The following MYRF variants were observed in gnomAD, a reference collection of about 807,000 sequenced individuals.
MYRF encodes myelin regulatory factor, also known as myelin gene regulatory factor.
Under a neutral mutation model 126.3 loss-of-function variants are expected in MYRF, and 16 were observed. That is an observed-to-expected ratio of 0.13 (90% CI 0.09 to 0.19). The LOEUF (loss-of-function observed/expected upper bound fraction) is 0.19. Among genes scored for constraint, MYRF ranks in the 10% least tolerant of loss-of-function variants. The pLI is 1.00. For missense variants in MYRF, 1,104 were observed against 1,547.0 expected, an observed-to-expected ratio of 0.71 and a Z score of 4.80; for synonymous variants, 608 against 635.3, an observed-to-expected ratio of 0.96 and a Z score of 0.65.
chr11:61,759,084 G>A (rs198473), intron 1 of MYRF, among the ~76,000 whole-genome samples: 105,794 of 152,146 alleles, frequency 0.7, 37,945 homozygotes, highest in Non-Finnish European at 0.76. Flanking sequence ...GTGGGGCCAC[G>A]CCGGTGTGTA....
rs1326233248 is a variant in MYRF at position 61,778,902 on chromosome 11, G to A, written c.2014-361G>A. On this transcript the variant is annotated intron_variant, in intron 14 of 26. Transcript: ENST00000278836. This position sits in a 1 kb window ranked among gnomAD's most constrained non-coding sequence, Gnocchi z 4.6. Reference sequence around the variant, plus strand: ...AGGCATGTAATAGGTCTCCACCCCAGCTGAATAGTGAAGTGCTGACATCTG... The same window carrying A: ...AGGCATGTAATAGGTCTCCACCCCAACTGAATAGTGAAGTGCTGACATCTG... The A allele has an allele frequency of 1.8e-6, 1 of 566,018 alleles. No individual in the cohort carries two copies. The highest frequency in any genetic ancestry group is 3.4e-6 in the Non-Finnish European group (1 of 298,032). The allele number at this position is 566,018 out of a possible 1,614,324, so 35.1% of individuals were successfully genotyped here. A position where few individuals can be genotyped will look rare whatever the true frequency, so the allele number is the denominator to read the frequency against.
chr11:61,760,591 G>A (rs2065871093), intron 1 of MYRF, among the ~76,000 whole-genome samples: 1 of 152,234 alleles, frequency 6.6e-6, no homozygotes, highest in African/African-American at 2.4e-5. Flanking sequence ...GCAGCAAGGC[G>A]GAGGGGCCTG....
At chr11:61,780,013 C>A in intron 17 of MYRF, 83 bp downstream of exon 17, 1 of 1,352,498 alleles carries the variant, frequency 7.4e-7, no homozygotes, top group Non-Finnish European at 1.0e-6. Flanking sequence ...GGGCTCAGGC[C>A]TGGGGGAAGA....
intron 1 of MYRF, among the ~76,000 whole-genome samples, chr11:61,759,438 G>A (rs2065846798): frequency 6.6e-6 from 1 of 152,208 alleles, no homozygotes; most frequent in Admixed American, 6.5e-5. Flanking sequence ...GGGAGGCCGA[G>A]GCAGGTGGAT....
chr11:61,777,383 G>T lies in MYRF; in HGVS notation c.1710G>T (p.Ala570=), dbSNP rs374109253. Residue 570 remains alanine, a synonymous_variant, in exon 12 of 27, where the codon GCG becomes GCT. Transcript: ENST00000278836. This position sits in a 1 kb window ranked among gnomAD's most constrained non-coding sequence, Gnocchi z 8.8. The part of the protein sequence containing the change: ...VGINTDRPDE[A]LVVHGNVKVM... ...TCAACACAGACCGGCCGGATGAGGC[G>T]CTGGTTGTGCACGGGAATGTCAAGG... 1.2e-6 allele frequency: 2 copies of T among 1,613,824 alleles called. No individual in the cohort carries two copies. Among genetic ancestry groups the T allele is most frequent in the Non-Finnish European group, 1.7e-6 (2 of 1,180,040 alleles).
At chr11:61,774,557 G>A (rs2066321863) in intron 8 of MYRF, among the ~76,000 whole-genome samples, 1 of 149,314 alleles carries the variant, frequency 6.7e-6, no homozygotes, top group African/African-American at 2.5e-5. Context: ...GCAAGCATCT[G>A]TGTGCGTGTG....
intron 20 of MYRF, 31 bp from the exon 21 acceptor site, chr11:61,781,107 C>T: frequency 6.2e-7 from 1 of 1,612,052 alleles, no homozygotes; most frequent in Middle Eastern, 1.7e-4. Context: ...TTTGGGGCTT[C>T]TCTGGCTCAT....
intron 1 of MYRF, among the ~76,000 whole-genome samples, chr11:61,763,553 G>A (rs1361201566): frequency 6.6e-6 from 1 of 152,246 alleles, no homozygotes; most frequent in Non-Finnish European, 1.5e-5. Context: ...CCTGCAGGAT[G>A]CCTTGCGCAT....
chr11:61,759,090 G>A (rs779318634), intron 1 of MYRF, among the ~76,000 whole-genome samples: 1 of 152,238 alleles, frequency 6.6e-6, no homozygotes, highest in Non-Finnish European at 1.5e-5. Context: ...CCACGCCGGT[G>A]TGTAGGCACA....
At chr11:61,784,468 A>G in intron 25 of MYRF, 83 bp downstream of exon 25, 3 of 1,121,704 alleles carry the variant, frequency 2.7e-6, no homozygotes, top group Non-Finnish European at 3.9e-6. Context: ...ATGGGCAAGG[A>G]GCAGAAGCTG....
chr11:61,779,265 G>A lies in MYRF; in HGVS notation c.2016G>A (p.Glu672=). The A allele has an allele frequency of 6.5e-7, 1 of 1,541,852 alleles. No individual in the cohort carries two copies. Among genetic ancestry groups the A allele is most frequent in the South Asian group, 1.2e-5 (1 of 84,050 alleles). The change falls in exon 15 of 27, where the codon GAG becomes GAA. Residue 672 remains glutamate, a splice_region_variant and synonymous_variant. Transcript: ENST00000278836. ...TIENFLVVNK[E]RIFMENVGAV... ...CCATGGCCCATGGCCCATGGCAGGA[G>A]CGCATCTTCATGGAGAACGTAGGGG...
At chr11:61,784,452 C>T in intron 25 of MYRF, 67 bp downstream of exon 25, 1 of 1,344,990 alleles carries the variant, frequency 7.4e-7, no homozygotes, top group Admixed American at 1.9e-5. Flanking sequence ...ACAACTGGGC[C>T]CCAAAATGGG....
At chr11:61,766,904 G>A (rs1160263802) in intron 3 of MYRF, 1 of 409,902 alleles carries the variant, frequency 2.4e-6, no homozygotes, top group South Asian at 1.8e-5. Context: ...TCTCTGGGTG[G>A]AAGAGCATTA....
chr11:61,776,525 G>A lies in MYRF; in HGVS notation c.1499+93G>A, dbSNP rs973252816. 2 of 1,059,166 alleles carry A rather than the reference G, an allele frequency of 1.9e-6. No individual in the cohort carries two copies. The highest frequency in any genetic ancestry group is 3.2e-5 in the African/African-American group (2 of 63,012). 65.6% of individuals were successfully genotyped at this position (1,059,166 alleles called of 1,614,324 possible). A position where few individuals can be genotyped will look rare whatever the true frequency, so the allele number is the denominator to read the frequency against. ...GCACACCAGGCACAGAGTCCTACAG[G>A]CTGAGCCATTTCACAGATGAGAGAC... On this transcript the variant is annotated intron_variant, in intron 10 of 26. Transcript: ENST00000278836. The surrounding 1 kb of genome is among the most constrained non-coding windows in gnomAD (Gnocchi z 4.3).
Position 61,771,765 on chromosome 11 carries a change from A to C in MYRF, c.991+15A>C. On this transcript the variant is annotated intron_variant, in intron 6 of 26. Coordinates refer to ENST00000278836, the MANE Select transcript of MYRF (RefSeq NM_001127392.3). ...CCCCTCCCCAGGTACATGGCTGGCCAACTCTTCAAGGTGGGGTGTGGGACC... is the reference window on the plus strand; with the variant it reads ...CCCCTCCCCAGGTACATGGCTGGCCCACTCTTCAAGGTGGGGTGTGGGACC... 1.2e-6 allele frequency: 2 copies of C among 1,612,496 alleles called. No individual in the cohort carries two copies. The highest frequency in any genetic ancestry group is 1.7e-6 in the Non-Finnish European group (2 of 1,178,940).
chr11:61,753,898 C>G (rs776333316), intron 1 of MYRF: 108 of 152,460 alleles, frequency 7.1e-4, no homozygotes, highest in Non-Finnish European at 9.0e-4. Context: ...GCCCACTCCG[C>G]TTCTCAGAAC....
In MYRF at chr11:61,766,819, C is replaced by T. The variant is rs181294507; in HGVS notation, c.398+598C>T. 6.3e-3 allele frequency: 2,191 copies of T among 348,120 alleles called. 13 individuals carry two copies. Among genetic ancestry groups the T allele is most frequent in the Non-Finnish European group, 8.5e-3 (1,511 of 176,892 alleles). 21.6% of individuals were successfully genotyped at this position (348,120 alleles called of 1,614,324 possible). A position where few individuals can be genotyped will look rare whatever the true frequency, so the allele number is the denominator to read the frequency against. ...GCCAGCCAGACTCCAGGGCAGCTCCCGGGGCACATGCTCACAGCGGGAGGC... is the reference window on the plus strand; with the variant it reads ...GCCAGCCAGACTCCAGGGCAGCTCCTGGGGCACATGCTCACAGCGGGAGGC... On this transcript the variant is annotated intron_variant, in intron 3 of 26. Transcript: ENST00000278836.
rs1244364983 is a variant in MYRF at position 61,787,737 on chromosome 11, GCCTT to G, written c.*1599_*1602del. On this transcript the variant is annotated 3_prime_UTR_variant, in exon 27 of 27. Coordinates refer to ENST00000278836, the MANE Select transcript of MYRF (RefSeq NM_001127392.3). Reference sequence around the variant, plus strand: ...GATTCCCAAACCATGCAGGGGCTGAGCCTTCCTTATGATGACTTTGTTCTCCCTC... The same window carrying G: ...GATTCCCAAACCATGCAGGGGCTGAGCCTTATGATGACTTTGTTCTCCCTC... 3.3e-5 allele frequency: 5 copies of G among 152,736 alleles called. No homozygotes were observed. Among genetic ancestry groups the G allele is most frequent in the Admixed American group, 6.5e-5 (1 of 15,278 alleles). 9.5% of individuals were successfully genotyped at this position (152,736 alleles called of 1,614,324 possible).
intron 25 of MYRF, 176 bp from the exon 26 acceptor site, chr11:61,785,624 C>T: frequency 1.6e-6 from 1 of 622,538 alleles, no homozygotes; most frequent in Non-Finnish European, 2.9e-6. Context: ...CATGGAGTAG[C>T]TGCCATTGCT....
Sources: allele counts gnomAD v4.1 joint callset (sites outside exome capture counted in the v4.1 genomes callset), GRCh38; gene constraint gnomAD v4.1.1; non-coding constraint Gnocchi (gnomAD v3.1); transcripts MANE v1.5; gene names NCBI Gene and HGNC (gene_info 2026-07-23, HGNC 2026-07-21).